Variants in CDC26 observed in about 807,000 individuals in gnomAD.
CDC26 encodes the protein cell division cycle 26.
CDC26 carries 2 observed loss-of-function variants against 8.0 expected under a neutral mutation model. The observed-to-expected ratio is 0.25, with a 90% CI of 0.10 to 0.79. The LOEUF (loss-of-function observed/expected upper bound fraction) is 0.79. CDC26 is among the 30% of genes least tolerant of loss of function. The probability of loss-of-function intolerance (pLI) is 0.70; values close to 1 mark genes in which losing one functional copy is unlikely to be tolerated. For missense variants in CDC26, 68 were observed against 106.0 expected (o/e 0.64, Z 1.57); for synonymous variants, 19 against 34.9 (o/e 0.55, Z 1.60).
Position 113,275,469 on chromosome 9 carries a change from G to C in CDC26, c.-239C>G, listed in dbSNP as rs1394125856. Reference sequence around the variant, plus strand: ...TAAGCCAACTGGACTACACTTCCCAGACTGCTTGGAGCCTCTCTCTCCGCA... The same window carrying C: ...TAAGCCAACTGGACTACACTTCCCACACTGCTTGGAGCCTCTCTCTCCGCA... On this transcript the variant is annotated 5_prime_UTR_variant, in exon 1 of 4. Transcript: ENST00000374206. The C allele has an allele frequency of 2.2e-6, 1 of 459,262 alleles. No homozygotes were observed. The highest frequency in any genetic ancestry group is 2.0e-5 in the African/African-American group (1 of 49,116). The allele number at this position is 459,262 out of a possible 1,614,324, so 28.4% of individuals were successfully genotyped here.
At chr9:113,271,479 C>T (rs1227647951) in intron 3 of CDC26, among the ~76,000 whole-genome samples, 2 of 151,970 alleles carry the variant, frequency 1.3e-5, no homozygotes, top group Non-Finnish European at 2.9e-5. Flanking sequence ...GAAAAGAAGA[C>T]AATATGACTC....
At chr9:113,270,755 G>C (rs1055766334) in intron 3 of CDC26, among the ~76,000 whole-genome samples, 2 of 152,186 alleles carry the variant, frequency 1.3e-5, no homozygotes, top group African/African-American at 4.8e-5. Flanking sequence ...AGGGTATAGA[G>C]AGCAAGGCAA....
chr9:113,275,400 A>C lies in CDC26; in HGVS notation c.-170T>G. On this transcript the variant is annotated 5_prime_UTR_variant, in exon 1 of 4. Transcript: ENST00000374206. ...CACCTACCTCTTTTCAAGCCGGCCT[A>C]GCCCCTTCCCGGAACCTCGGCTCCC... 1 of 273,524 alleles carries C rather than the reference A, an allele frequency of 3.7e-6. No individual in the cohort carries two copies. Among genetic ancestry groups the C allele is most frequent in the Non-Finnish European group, 7.0e-6 (1 of 143,624 alleles). The allele number at this position is 273,524 out of a possible 1,614,324, so 16.9% of individuals were successfully genotyped here.
intron 2 of CDC26, 71 bp from the exon 3 acceptor site, chr9:113,272,619 T>C (rs1831977398): frequency 1.3e-6 from 1 of 759,422 alleles, no homozygotes; most frequent in East Asian, 2.5e-5. Context: ...TAAAATCAAT[T>C]TGCAAGCATG....
chr9:113,269,560 C>T (rs1034765319), intron 3 of CDC26, among the ~76,000 whole-genome samples: 3 of 152,094 alleles, frequency 2.0e-5, no homozygotes, highest in Non-Finnish European at 4.4e-5. Flanking sequence ...CATGACTGTC[C>T]CTGCTTCCTA....
intron 3 of CDC26, among the ~76,000 whole-genome samples, chr9:113,271,788 C>T (rs1564231987): frequency 6.6e-6 from 1 of 152,252 alleles, no homozygotes; most frequent in East Asian, 1.9e-4. Context: ...AAGCTGTTGG[C>T]TTAAGAGTCT....
At chr9:113,275,264 G>A (rs1053287408) in intron 1 of CDC26, 118 bp downstream of exon 1, 5 of 154,484 alleles carry the variant, frequency 3.2e-5, no homozygotes, top group Admixed American at 2.0e-4. Context: ...ATGGTAACAT[G>A]GTCCTCGGCT....
intron 1 of CDC26, among the ~76,000 whole-genome samples, chr9:113,274,347 AGTT>A (rs2118564379): frequency 6.6e-6 from 1 of 152,328 alleles, no homozygotes; most frequent in South Asian, 2.1e-4. Flanking sequence ...AGGAAGAAAT[AGTT>A]CCTTCTCCCA....
intron 3 of CDC26, 131 bp from the exon 4 acceptor site, chr9:113,267,570 C>A: frequency 8.1e-7 from 1 of 1,236,926 alleles, no homozygotes; most frequent in Non-Finnish European, 1.1e-6. Context: ...AAACTGAAAT[C>A]CTAGGTTTGG....
At chr9:113,271,434 T>C (rs1054666153) in intron 3 of CDC26, among the ~76,000 whole-genome samples, 1 of 151,912 alleles carries the variant, frequency 6.6e-6, no homozygotes, top group African/African-American at 2.4e-5. Flanking sequence ...ATCACACATA[T>C]CATAAGAAGG....
chr9:113,274,250 G>A (rs1457696403), intron 1 of CDC26, among the ~76,000 whole-genome samples: 5 of 152,074 alleles, frequency 3.3e-5, no homozygotes, highest in African/African-American at 1.2e-4. Context: ...AAGTGAAAAT[G>A]ATGGAAGTGA....
At chr9:113,270,031 T>C (rs960224502) in intron 3 of CDC26, among the ~76,000 whole-genome samples, 9 of 151,940 alleles carry the variant, frequency 5.9e-5, no homozygotes, top group Non-Finnish European at 8.8e-5. Context: ...TATGGCCCAG[T>C]GAGGGAAAAC....
chr9:113,271,316 G>A (rs957239629), intron 3 of CDC26, among the ~76,000 whole-genome samples: 3 of 152,234 alleles, frequency 2.0e-5, no homozygotes, highest in South Asian at 2.1e-4. Context: ...CCTAATCCTG[G>A]AACCTATAAA....
intron 3 of CDC26, among the ~76,000 whole-genome samples, chr9:113,267,730 T>C (rs1831885050): frequency 6.6e-6 from 1 of 152,152 alleles, no homozygotes; most frequent in African/African-American, 2.4e-5. Context: ...GGCTCACATC[T>C]GTAATCCCAG....
In CDC26 at chr9:113,267,556, C is replaced by A. The variant is rs1472081508; in HGVS notation, c.82-117G>T. 4.6e-6 allele frequency: 6 copies of A among 1,308,036 alleles called. No homozygotes were observed. The African/African-American group carries it at 5.9e-5, about 13-fold the overall frequency. The allele number at this position is 1,308,036 out of a possible 1,614,324, so 81.0% of individuals were successfully genotyped here. ...AATGATAGAGTTAGGGTGTAAAGAA[C>A]AATAAACTGAAATCCTAGGTTTGGA... On this transcript the variant is annotated intron_variant, in intron 3 of 3. Transcript: ENST00000374206.
intron 2 of CDC26, 32 bp from the exon 3 acceptor site, chr9:113,272,580 G>A: frequency 9.2e-7 from 1 of 1,089,786 alleles, no homozygotes; most frequent in Admixed American, 1.7e-5. Flanking sequence ...AGGAAAATCT[G>A]AAGGTGATAA....
At chr9:113,267,630 A>C (rs1018004092) in intron 3 of CDC26, among the ~76,000 whole-genome samples, 191 bp from the exon 4 acceptor site, 5 of 152,118 alleles carry the variant, frequency 3.3e-5, no homozygotes, top group African/African-American at 1.2e-4. Flanking sequence ...GTAACCCCTG[A>C]TCACTTGAGG....
chr9:113,267,380 G>A lies in CDC26; in HGVS notation c.141C>T (p.Ala47=). ...TCTTGGGATCACTGCTAAGCCCAAT[G>A]GCTCCTTCTCCATCACTGCCTCCTA... is the stretch of plus-strand genomic sequence containing the variant. ...EVVGGSDGEG[A]IGLSSDPKSR... is the part of the protein sequence containing the mutation. The change falls in exon 4 of 4, where the codon GCC becomes GCT. Residue 47 remains alanine, a synonymous_variant. Transcript: ENST00000374206. 1 of 1,602,274 alleles carries A rather than the reference G, an allele frequency of 6.2e-7. No individual in the cohort carries two copies. Among genetic ancestry groups the A allele is most frequent in the Non-Finnish European group, 8.5e-7 (1 of 1,175,522 alleles).
chr9:113,273,626 AT>A (rs1269195928), intron 1 of CDC26, among the ~76,000 whole-genome samples, 188 bp from the exon 2 acceptor site: 1 of 152,050 alleles, frequency 6.6e-6, no homozygotes, highest in Non-Finnish European at 1.5e-5. Context: ...AGAGAGAAGA[AT>A]GCACAAGGAG....
Sources: gnomAD v4.1 joint callset for allele counts (sites outside exome capture counted in the v4.1 genomes callset) on GRCh38, gnomAD v4.1.1 for gene constraint, MANE v1.5 for transcripts, NCBI Gene and HGNC (gene_info 2026-07-23, HGNC 2026-07-21) for gene names.